MSRA: variants seen among roughly 807,000 people sequenced by gnomAD.
MSRA encodes mitochondrial peptide methionine sulfoxide reductase.
In MSRA, 54 loss-of-function variants were observed where a neutral mutation model predicts 31.3. The observed-to-expected ratio is 1.73, with a 90% confidence interval of 1.39 to 2.17. MSRA has a LOEUF of 2.17. Ranked by LOEUF, MSRA falls within the 30% of genes most tolerant of loss-of-function variation. The pLI, the probability that MSRA is intolerant of heterozygous loss-of-function variation, is 0.00. For synonymous variants in MSRA, 169 were observed against 116.5 expected, an observed-to-expected ratio of 1.45 and a Z score of -2.90; for missense variants, 507 against 300.9, an observed-to-expected ratio of 1.69 and a Z score of -5.07.
chr8:10,069,358 T>A (rs1797616708), intron 1 of MSRA, among the ~76,000 whole-genome samples: 1 of 152,240 alleles, frequency 6.6e-6, no homozygotes, highest in Non-Finnish European at 1.5e-5. Flanking sequence ...GGAAAGCATC[T>A]AGTTTCTACT....
chr8:10,109,770 A>T (rs913897965), intron 1 of MSRA, among the ~76,000 whole-genome samples: 2 of 152,246 alleles, frequency 1.3e-5, no homozygotes, highest in African/African-American at 4.8e-5. Context: ...TGAGGAGATG[A>T]AGTCATTCAT....
At chr8:10,338,483 C>T (rs942243100) in intron 5 of MSRA, among the ~76,000 whole-genome samples, 1 of 152,124 alleles carries the variant, frequency 6.6e-6, no homozygotes, top group Non-Finnish European at 1.5e-5. Flanking sequence ...ACTAAGAGCA[C>T]ATTTAACACG....
chr8:10,170,244 C>G (rs1805481592), intron 1 of MSRA, among the ~76,000 whole-genome samples: 1 of 151,986 alleles, frequency 6.6e-6, no homozygotes, highest in African/African-American at 2.4e-5. Flanking sequence ...TATGTAGAAA[C>G]CTAATCTCCA....
chr8:10,130,017 A>G (rs1256907777), intron 1 of MSRA, among the ~76,000 whole-genome samples: 1 of 152,204 alleles, frequency 6.6e-6, no homozygotes, highest in East Asian at 1.9e-4. Flanking sequence ...TGCTAGCAGT[A>G]CCTACATCCC....
intron 5 of MSRA, among the ~76,000 whole-genome samples, chr8:10,406,168 G>A (rs1000983219): frequency 1.3e-5 from 2 of 152,254 alleles, no homozygotes; most frequent in Admixed American, 1.3e-4. Context: ...GTGTCGGGCA[G>A]TGGCGGGAGA....
At chr8:10,203,928 TTG>T (rs1487753096) in intron 1 of MSRA, among the ~76,000 whole-genome samples, 1 of 152,182 alleles carries the variant, frequency 6.6e-6, no homozygotes, top group African/African-American at 2.4e-5. Context: ...ATGTGTGCAT[TTG>T]TGTCTTAGTT....
chr8:10,096,018 G>A, intron 1 of MSRA: 1 of 1,451,316 alleles, frequency 6.9e-7, no homozygotes, highest in Non-Finnish European at 9.1e-7. Context: ...AAATCAGAAA[G>A]ACATCCTTCG....
intron 1 of MSRA, among the ~76,000 whole-genome samples, chr8:10,110,156 C>T (rs1800177630): frequency 6.6e-6 from 1 of 152,154 alleles, no homozygotes; most frequent in African/African-American, 2.4e-5. Flanking sequence ...CATCTGGATT[C>T]TTTGTCCACG....
At chr8:10,355,376 A>G (rs779096137) in intron 5 of MSRA, among the ~76,000 whole-genome samples, 2 of 152,252 alleles carry the variant, frequency 1.3e-5, no homozygotes, top group East Asian at 1.9e-4. Context: ...TTTGCCGAGT[A>G]GGCCATCACT....
chr8:10,092,675 G>C (rs1486734341), intron 1 of MSRA, among the ~76,000 whole-genome samples: 1 of 151,842 alleles, frequency 6.6e-6, no homozygotes, highest in Non-Finnish European at 1.5e-5. Context: ...TTGTTGGGTA[G>C]ATTGTTTGGT....
chr8:10,068,130 C>T lies in MSRA; in HGVS notation c.142+13472C>T, dbSNP rs113382366. On this transcript the variant is annotated intron_variant, in intron 1 of 5. Transcript: ENST00000317173. The stretch of plus-strand genomic sequence containing the variant: ...AACTTTTGACCTCAAGCAGACTGCC[C>T]GCCTTGGTCTCTCAAAGTGCTGAGA... Among the ~76,000 whole-genome samples the T allele has an allele frequency of 1.3e-4, 20 of 152,142 alleles. 1 individual carries two copies. Among genetic ancestry groups the T allele is most frequent in the African/African-American group, 3.6e-4 (15 of 41,506 alleles).
chr8:10,349,685 G>A (rs899564281), intron 5 of MSRA, among the ~76,000 whole-genome samples: 10 of 152,296 alleles, frequency 6.6e-5, no homozygotes, highest in East Asian at 5.8e-4. Flanking sequence ...GGGGCCTGGC[G>A]CTCCTCGATT....
chr8:10,229,589 G>A (rs995008583), intron 2 of MSRA, among the ~76,000 whole-genome samples: 19 of 152,172 alleles, frequency 1.2e-4, no homozygotes, highest in African/African-American at 4.6e-4. Flanking sequence ...GGCAGAGGTG[G>A]TGCAGGCAGG....
intron 4 of MSRA, among the ~76,000 whole-genome samples, chr8:10,309,321 C>G (rs968545600): frequency 2.0e-5 from 3 of 152,272 alleles, no homozygotes; most frequent in Non-Finnish European, 4.4e-5. Flanking sequence ...GGGCGCGGAG[C>G]CTGCCGTGCA....
In MSRA at chr8:10,227,618, A is replaced by T. The variant is rs1318903096; in HGVS notation, c.212-17486A>T. 3.3e-5 allele frequency among the ~76,000 whole-genome samples: 5 copies of T among 152,296 alleles called. No individual in the cohort carries two copies. The East Asian group carries it at 9.7e-4, about 29-fold the overall frequency. On this transcript the variant is annotated intron_variant, in intron 2 of 5. Transcript: ENST00000317173. ...ATAGCAATGTGTATAAAGAACCTGG[A>T]GCTGCATTAATCACAGTGCAGAGGT... is the stretch of plus-strand genomic sequence containing the variant.
intron 5 of MSRA, among the ~76,000 whole-genome samples, chr8:10,381,538 C>G (rs962271400): frequency 3.3e-5 from 5 of 152,208 alleles, no homozygotes; most frequent in Admixed American, 6.5e-5. Flanking sequence ...CATCACCCTT[C>G]ACAATGGAGT....
rs61080777 is a variant in MSRA at position 10,401,104 on chromosome 8, T to TAA, written c.544-27036_544-27035dup. 2.9e-3 allele frequency among the ~76,000 whole-genome samples: 434 copies of TAA among 150,326 alleles called. 2 individuals carry two copies. The highest frequency in any genetic ancestry group is 4.4e-3 in the Non-Finnish European group (299 of 67,564). On this transcript the variant is annotated intron_variant, in intron 5 of 5. Coordinates refer to ENST00000317173, the MANE Select transcript of MSRA (RefSeq NM_012331.5). ...ACATCAGTGGACACTATCAAGAATA[T>TAA]AAAAAAAAACAACCCACAGAGTCAC... is the stretch of plus-strand genomic sequence containing the variant.
rs1411228423 is a variant in MSRA at position 10,119,427 on chromosome 8, G to A, written c.142+64769G>A. Among the ~76,000 whole-genome samples, 8 of 152,154 alleles carry A rather than the reference G, an allele frequency of 5.3e-5. No homozygotes were observed. The East Asian group carries it at 1.2e-3, about 22-fold the overall frequency. ...ACATGTGGACGTGCTTTCTGCTGGCGATTAAGTCCCAGGCTTGGGAGTGGC... is the reference window on the plus strand; with the variant it reads ...ACATGTGGACGTGCTTTCTGCTGGCAATTAAGTCCCAGGCTTGGGAGTGGC... On this transcript the variant is annotated intron_variant, in intron 1 of 5. Transcript: ENST00000317173.
intron 5 of MSRA, among the ~76,000 whole-genome samples, chr8:10,327,341 A>G (rs1214896066): frequency 2.6e-5 from 4 of 152,202 alleles, no homozygotes; most frequent in African/African-American, 7.2e-5. Flanking sequence ...AACTTCAACT[A>G]TCTAGCAATT....
Sources: gnomAD v4.1 joint callset for allele counts (sites outside exome capture counted in the v4.1 genomes callset) on GRCh38, gnomAD v4.1.1 for gene constraint, MANE v1.5 for transcripts, NCBI Gene and HGNC (gene_info 2026-07-23, HGNC 2026-07-21) for gene names.